The following DMD variants were observed in gnomAD, a reference collection of about 807,000 sequenced individuals.
DMD encodes dystrophin, also known as mutant dystrophin.
DMD carries 63 observed loss-of-function variants against 330.1 expected under a neutral mutation model. The observed-to-expected ratio is 0.19, with a 90% CI of 0.16 to 0.24. The LOEUF (loss-of-function observed/expected upper bound fraction) is 0.24. Ranked by LOEUF, DMD falls within the 10% of genes least tolerant of loss-of-function variation. DMD has a pLI of 1.00. For synonymous variants in DMD, 1,223 were observed against 959.8 expected (o/e 1.27, Z -5.07); for missense variants, 3,344 against 2,684.1 (o/e 1.25, Z -5.43).
chrX:32,774,639 T>C (rs1163111124), intron 7 of DMD, among the ~76,000 whole-genome samples: 4 of 110,941 alleles, frequency 3.6e-5, no homozygotes, highest in East Asian at 2.9e-4. Flanking sequence ...TTGTGAGAAC[T>C]ATCATGAGTG....
At chrX:32,077,807 C>T (rs62590029) in intron 44 of DMD, among the ~76,000 whole-genome samples, 28,109 of 110,773 alleles carry the variant, frequency 0.25, 2,760 homozygotes, top group African/African-American at 0.36. Flanking sequence ...CTTATCTTTT[C>T]ATTATACTGA....
At chrX:31,811,993 A>G (rs1440066044) in intron 50 of DMD, among the ~76,000 whole-genome samples, 1 of 111,533 alleles carries the variant, frequency 9.0e-6, no homozygotes, top group Admixed American at 9.6e-5. Context: ...TTTCACAAAA[A>G]AAATGATCAC....
intron 1 of DMD, among the ~76,000 whole-genome samples, chrX:33,277,257 C>A (rs1379909729): frequency 1.8e-5 from 2 of 111,421 alleles, no homozygotes; most frequent in Non-Finnish European, 3.8e-5. Context: ...TGGTTGCCAA[C>A]AGCTGGGTGA....
intron 7 of DMD, among the ~76,000 whole-genome samples, chrX:32,747,616 T>C (rs1335831164): frequency 8.1e-5 from 9 of 111,432 alleles, no homozygotes; most frequent in Non-Finnish European, 1.7e-4. Flanking sequence ...GCGTCCCGAA[T>C]AGTTAGGACT....
Position 32,792,338 on chromosome X carries a change from GAA to G in DMD, c.649+17153_649+17154del, listed in dbSNP as rs766412748. On this transcript the variant is annotated intron_variant, in intron 7 of 78. Coordinates refer to ENST00000357033, the MANE Select transcript of DMD (RefSeq NM_004006.3). ...AGTGCAAACACACAAAAAAAATCAA[GAA>G]AAGTTACTCAAATGTTACCACTAAA... 7.8e-3 allele frequency among the ~76,000 whole-genome samples: 857 copies of G among 110,173 alleles called. 5 individuals carry two copies. The highest frequency in any genetic ancestry group is 0.027 in the African/African-American group (822 of 30,262).
intron 7 of DMD, chrX:32,754,935 C>T (rs2071315125): frequency 9.0e-6 from 1 of 111,547 alleles, no homozygotes; most frequent in Non-Finnish European, 1.9e-5. Context: ...GTTCTCTGTA[C>T]ATTACAGCTT....
chrX:32,940,213 G>T (rs2090311301), intron 2 of DMD, among the ~76,000 whole-genome samples: 1 of 111,488 alleles, frequency 9.0e-6, no homozygotes, highest in South Asian at 3.7e-4. Flanking sequence ...CACAGCATAG[G>T]GACTATAGTC....
chrX:31,776,053 A>G (rs751417762), intron 50 of DMD, among the ~76,000 whole-genome samples: 153 of 112,295 alleles, frequency 1.4e-3, no homozygotes, highest in African/African-American at 4.9e-3. Flanking sequence ...TGTAAAGAAG[A>G]AATAGCATTT....
intron 9 of DMD, among the ~76,000 whole-genome samples, chrX:32,656,281 C>T (rs952938776): frequency 1.8e-5 from 2 of 111,831 alleles, no homozygotes; most frequent in Admixed American, 9.5e-5. Context: ...GGTGAGCTAT[C>T]CTCAACCGTG....
chrX:32,639,266 A>T (rs1436577199), intron 11 of DMD, among the ~76,000 whole-genome samples: 1 of 111,689 alleles, frequency 9.0e-6, no homozygotes, highest in Non-Finnish European at 1.9e-5. Context: ...AGAGAAGAAA[A>T]TCTTCTGTTT....
At position 31,182,866 on chromosome X, in the gene DMD, T is replaced by G. The variant is rs2041309921; in HGVS notation, c.9846A>C (p.Leu3282=). The part of the protein sequence containing the change: ...NKPEIEAALF[L]DWMRLEPQSM... ...ACTGGGGTTCCAGTCTCATCCAGTC[T>G]AGGAAGAGGGCCGCTTCGATCTCTG... is the stretch of plus-strand genomic sequence containing the variant. Residue 3282 remains leucine, a synonymous_variant, in exon 68 of 79, where the codon CTA becomes CTC. Coordinates refer to ENST00000357033, the MANE Select transcript of DMD (RefSeq NM_004006.3). The G allele has an allele frequency of 8.3e-7, 1 of 1,208,891 alleles. No homozygotes were observed. Among genetic ancestry groups the G allele is most frequent in the African/African-American group, 1.8e-5 (1 of 56,904 alleles).
At chrX:31,571,254 GGTGTGTGT>G (rs371098859) in intron 55 of DMD, among the ~76,000 whole-genome samples, 215 of 90,448 alleles carry the variant, frequency 2.4e-3, no homozygotes, top group Middle Eastern at 5.3e-3. Flanking sequence ...GATTTAAAGG[GGTGTGTGT>G]GTGTGTGTGT....
At chrX:31,659,639 GAAAAAAAAAAAAAAAAAA>G (rs869195395) in intron 53 of DMD, among the ~76,000 whole-genome samples, 3 of 39,982 alleles carry the variant, frequency 7.5e-5, no homozygotes, top group Admixed American at 2.6e-4. Context: ...CTCCATCTCG[GAAAAAAAAAAAAAAAAAA>G]AAAAAAAAAA....
intron 6 of DMD, among the ~76,000 whole-genome samples, chrX:32,813,834 T>C (rs1190584544): frequency 8.9e-6 from 1 of 111,913 alleles, no homozygotes; most frequent in Non-Finnish European, 1.9e-5. Flanking sequence ...AAATGAGGTA[T>C]ACTCATACCA....
intron 55 of DMD, among the ~76,000 whole-genome samples, chrX:31,616,609 T>C (rs2078215436): frequency 8.9e-6 from 1 of 112,215 alleles, no homozygotes; most frequent in Non-Finnish European, 1.9e-5. Flanking sequence ...ACACACACAG[T>C]CTTGGACAAT....
chrX:32,620,667 T>C (rs1017854187), intron 11 of DMD, among the ~76,000 whole-genome samples: 1 of 112,275 alleles, frequency 8.9e-6, no homozygotes, highest in Non-Finnish European at 1.9e-5. Flanking sequence ...GACAGACATT[T>C]CCTTCAACAA....
intron 42 of DMD, among the ~76,000 whole-genome samples, chrX:32,309,694 T>C (rs2097554251): frequency 9.0e-6 from 1 of 111,059 alleles, no homozygotes; most frequent in Admixed American, 9.6e-5. Flanking sequence ...ACAAAAACAA[T>C]ATACATTACA....
intron 7 of DMD, among the ~76,000 whole-genome samples, chrX:32,762,056 A>C (rs372053341): frequency 1.8e-5 from 2 of 109,074 alleles, no homozygotes; most frequent in East Asian, 2.9e-4. Context: ...AGGCTGAGAC[A>C]GGAGGAATCA....
intron 44 of DMD, among the ~76,000 whole-genome samples, chrX:31,985,843 G>A (rs1300037741): frequency 8.9e-6 from 1 of 112,022 alleles, no homozygotes; most frequent in East Asian, 2.8e-4. Flanking sequence ...CTCAATAGTT[G>A]AGGATTTGCA....
Sources: gnomAD v4.1 joint callset for allele counts (sites outside exome capture counted in the v4.1 genomes callset) on GRCh38, gnomAD v4.1.1 for gene constraint, MANE v1.5 for transcripts, NCBI Gene and HGNC (gene_info 2026-07-23, HGNC 2026-07-21) for gene names.